The following MUCL3 variants were observed in gnomAD, a reference collection of about 807,000 sequenced individuals.
MUCL3 encodes the protein mucin-like protein 3.
A neutral mutation model predicts 70.2 loss-of-function variants in MUCL3; 42 were observed. The observed-to-expected ratio is 0.60, with a 90% CI of 0.47 to 0.77. The LOEUF (loss-of-function observed/expected upper bound fraction) is 0.77. MUCL3 is among the 30% of genes least tolerant of loss of function. The pLI is 0.00. For synonymous variants in MUCL3, 522 were observed against 647.0 expected (o/e 0.81, Z 2.93); for missense variants, 1,429 against 1,670.0 (o/e 0.86, Z 2.52).
chr6:30,950,244 A>G lies in MUCL3; in HGVS notation c.1780A>G (p.Thr594Ala). 6.5e-7 allele frequency: 1 copy of G among 1,550,326 alleles called. No individual in the cohort carries two copies. Among genetic ancestry groups the G allele is most frequent in the Non-Finnish European group, 8.7e-7 (1 of 1,146,824 alleles). ...GQRTPFANEKTTSSSAEPTEH... is the reference protein window; with the variant it reads ...GQRTPFANEKATSSSAEPTEH... Reference sequence around the variant, plus strand: ...AAGGACCCCATTTGCCAATGAGAAGACCACATCATCCTCAGCAGAGCCTAC... The same window carrying G: ...AAGGACCCCATTTGCCAATGAGAAGGCCACATCATCCTCAGCAGAGCCTAC... Residue 594 changes from threonine (T) to alanine (A), a missense_variant, in exon 2 of 3, where the codon ACC becomes GCC. Thr to Ala is a moderately conservative substitution (Grantham distance 58). Coordinates refer to ENST00000462446, the MANE Select transcript of MUCL3 (RefSeq NM_080870.4).
chr6:30,944,516 A>C (rs1042420099), intron 1 of MUCL3, among the ~76,000 whole-genome samples: 1 of 152,224 alleles, frequency 6.6e-6, no homozygotes, highest in African/African-American at 2.4e-5. Flanking sequence ...TCCTGACCTC[A>C]GGCCCACAAT....
At chr6:30,948,463 G>A in intron 1 of MUCL3, 84 bp from the exon 2 acceptor site, 1 of 1,074,526 alleles carries the variant, frequency 9.3e-7, no homozygotes. Flanking sequence ...GGGGAACAAA[G>A]AGATCCCCTA....
chr6:30,943,071 C>A (rs1317505063), intron 1 of MUCL3, among the ~76,000 whole-genome samples: 1 of 151,974 alleles, frequency 6.6e-6, no homozygotes, highest in South Asian at 2.1e-4. Flanking sequence ...CATGGCTGTG[C>A]CCAGCAGAGA....
chr6:30,949,650 C>A lies in MUCL3; in HGVS notation c.1186C>A (p.Pro396Thr), dbSNP rs1352509700. 2 of 1,548,512 alleles carry A rather than the reference C, an allele frequency of 1.3e-6. No homozygotes were observed. Among genetic ancestry groups the A allele is most frequent in the Admixed American group, 3.9e-5 (2 of 50,770 alleles). ...AGCCAATGAGAACACTACACCATCC[C>A]CAGCAGAGCCTACAGAACATGGAGA... ...RTANENTTPS[P>T]AEPTEHGERT... The change falls in exon 2 of 3, where the codon CCA becomes ACA. Residue 396 changes from proline (P) to threonine (T), a missense_variant. By Grantham distance (38) the Pro-to-Thr change is conservative. Transcript: ENST00000462446.
Position 30,948,611 on chromosome 6 carries a change from C to T in MUCL3, c.147C>T (p.Pro49=). The T allele has an allele frequency of 6.4e-7, 1 of 1,550,674 alleles. No individual in the cohort carries two copies. Among genetic ancestry groups the T allele is most frequent in the Non-Finnish European group, 8.7e-7 (1 of 1,146,718 alleles). ...GELSTSDHIF[P]LTPGLVYSIP... ...TCTCAACATCCGATCACATATTTCC[C>T]CTCACTCCAGGCCTTGTTTATAGTA... The change falls in exon 2 of 3, where the codon CCC becomes CCT. Residue 49 remains proline, a synonymous_variant. Transcript: ENST00000462446.
At chr6:30,944,614 G>A (rs1283841610) in intron 1 of MUCL3, among the ~76,000 whole-genome samples, 2 of 152,142 alleles carry the variant, frequency 1.3e-5, no homozygotes, top group South Asian at 2.1e-4. Flanking sequence ...AGCAGATGGC[G>A]GGGACCTTTG....
At chr6:30,945,048 C>T (rs749466982) in intron 1 of MUCL3, among the ~76,000 whole-genome samples, 1 of 152,226 alleles carries the variant, frequency 6.6e-6, no homozygotes, top group Non-Finnish European at 1.5e-5. Context: ...TTAATGACAA[C>T]TGGTATCCCA....
At chr6:30,952,609 G>C in intron 2 of MUCL3, 110 bp downstream of exon 2, 2 of 1,197,804 alleles carry the variant, frequency 1.7e-6, no homozygotes, top group Non-Finnish European at 2.3e-6. Flanking sequence ...AGACATGGCA[G>C]AAGTGGGAGG....
At chr6:30,941,682 A>T (rs1259294791) in intron 1 of MUCL3, among the ~76,000 whole-genome samples, 4 of 151,742 alleles carry the variant, frequency 2.6e-5, no homozygotes, top group Non-Finnish European at 4.4e-5. Flanking sequence ...GGCTGGTCTC[A>T]AATGCCTGGC....
Position 30,949,878 on chromosome 6 carries a change from A to G in MUCL3, c.1414A>G (p.Thr472Ala), listed in dbSNP as rs763017623. ...CAGAGAAACGACAGCCAACGAGAAG[A>G]CCACACTATCCCCAGTAGAGCCTAC... ...ENRETTANEKTTLSPVEPTEN... is the reference protein window; with the variant it reads ...ENRETTANEKATLSPVEPTEN... The change falls in exon 2 of 3, where the codon ACC (threonine) becomes GCC (alanine). Residue 472 changes from threonine to alanine, a missense_variant. Transcript: ENST00000462446. 2.6e-6 allele frequency: 4 copies of G among 1,549,586 alleles called. No homozygotes were observed. In the South Asian group the frequency reaches 4.8e-5, roughly 18 times the overall value.
At chr6:30,941,867 G>C (rs1225689844) in intron 1 of MUCL3, among the ~76,000 whole-genome samples, 1 of 152,136 alleles carries the variant, frequency 6.6e-6, no homozygotes, top group Non-Finnish European at 1.5e-5. Context: ...CTCACAGCTA[G>C]AGGGAGGTAA....
At chr6:30,952,875 G>A in intron 2 of MUCL3, 96 bp from the exon 3 acceptor site, 1 of 1,482,760 alleles carries the variant, frequency 6.7e-7, no homozygotes. Context: ...TCAAGGTTTG[G>A]ATGGAATCTT....
rs938709152 is a variant in MUCL3 at position 30,948,781 on chromosome 6, T to G, written c.317T>G (p.Ile106Arg). ...TDKPTGNSKT[I>R]DHKSSTDNHE... Reference sequence around the variant, plus strand: ...AAGCCTACAGGCAACTCCAAAACTATAGACCACAAAAGCTCTACAGATAAT... The same window carrying G: ...AAGCCTACAGGCAACTCCAAAACTAGAGACCACAAAAGCTCTACAGATAAT... Residue 106 changes from isoleucine (I) to arginine (R), a missense_variant, in exon 2 of 3, where the codon ATA becomes AGA. By Grantham distance (97) the Ile-to-Arg change is moderately conservative. Transcript: ENST00000462446. 3.2e-6 allele frequency: 5 copies of G among 1,551,466 alleles called. No homozygotes were observed. The highest frequency in any genetic ancestry group is 4.4e-6 in the Non-Finnish European group (5 of 1,146,980).
intron 1 of MUCL3, among the ~76,000 whole-genome samples, chr6:30,943,532 C>T (rs1474154486): frequency 6.6e-6 from 1 of 151,656 alleles, no homozygotes; most frequent in Non-Finnish European, 1.5e-5. Flanking sequence ...CTGAGGGAGG[C>T]TCAAGTGCAG....
intron 1 of MUCL3, among the ~76,000 whole-genome samples, chr6:30,944,848 G>A (rs59968445): frequency 0.072 from 10,911 of 152,290 alleles, 491 homozygotes; most frequent in African/African-American, 0.12. Flanking sequence ...AAAGTAGATC[G>A]TCTGGGGCAG....
rs1482497489 is a variant in MUCL3, at chr6:30,950,856, T to G, written c.2392T>G (p.Ser798Ala). The change falls in exon 2 of 3, where the codon TCA becomes GCA. Residue 798 changes from serine to alanine, a missense_variant. Coordinates refer to ENST00000462446, the MANE Select transcript of MUCL3 (RefSeq NM_080870.4). ...TGCCAATGAGAAGACCACATCATCC[T>G]CAGCAGAGCCTACAGAACACGCAGA... The part of the protein sequence containing the change: ...PFANEKTTSS[S>A]AEPTEHAERT... 1 of 1,541,728 alleles carries G rather than the reference T, an allele frequency of 6.5e-7. No individual in the cohort carries two copies. Among genetic ancestry groups the G allele is most frequent in the Non-Finnish European group, 8.7e-7 (1 of 1,145,116 alleles).
chr6:30,952,624 G>GT (rs1241286799), intron 2 of MUCL3, 125 bp downstream of exon 2: 5 of 1,091,664 alleles, frequency 4.6e-6, no homozygotes, highest in Non-Finnish European at 6.4e-6. Context: ...GGGAGGAACA[G>GT]TAATAGAGGG....
At chr6:30,946,740 C>T (rs1795797733) in intron 1 of MUCL3, among the ~76,000 whole-genome samples, 1 of 152,178 alleles carries the variant, frequency 6.6e-6, no homozygotes, top group South Asian at 2.1e-4. Context: ...GTGGTCTTAA[C>T]CAGCAATGAT....
At chr6:30,948,205 AG>A (rs1225977641) in intron 1 of MUCL3, among the ~76,000 whole-genome samples, 2 of 152,234 alleles carry the variant, frequency 1.3e-5, no homozygotes, top group Non-Finnish European at 2.9e-5. Context: ...GTGAAGTTGA[AG>A]GTAACAGGAC....
Sources: allele counts gnomAD v4.1 joint callset (sites outside exome capture counted in the v4.1 genomes callset), GRCh38; gene constraint gnomAD v4.1.1; transcripts MANE v1.5; gene names NCBI Gene and HGNC (gene_info 2026-07-23, HGNC 2026-07-21).